CILP2: variants seen among roughly 807,000 people sequenced by gnomAD.
The protein encoded by CILP2 is CILP-2.
Under a neutral mutation model 45.6 loss-of-function variants are expected in CILP2, and 38 were observed. The observed-to-expected ratio is 0.83, with a 90% CI of 0.64 to 1.09. The LOEUF (loss-of-function observed/expected upper bound fraction) is 1.09, where lower values mean the gene tolerates loss of function less well. Among genes scored for constraint, CILP2 ranks in the 50% least tolerant of loss-of-function variants. The pLI is 0.00. For synonymous variants in CILP2, 780 were observed against 723.5 expected (o/e 1.08, Z -1.25); for missense variants, 1,735 against 1,662.2 (o/e 1.04, Z -0.76).
intron 3 of CILP2, 146 bp downstream of exon 3, chr19:19,540,622 T>G: frequency 1.1e-6 from 1 of 946,324 alleles, no homozygotes; most frequent in South Asian, 2.3e-5. Context: ...CCCTTAGGCG[T>G]AGGACGACGT....
chr19:19,543,690 A>G lies in CILP2; in HGVS notation c.1145A>G (p.Gln382Arg). ...TTTTCTTTGTCCCCAGCCCCAGGCC[A>G]GCCAGCCTGCGACCCCCGGCCCCGA... ...TARLTVLAPGQPACDPRPREY... is the reference protein window; with the variant it reads ...TARLTVLAPGRPACDPRPREY... The change falls in exon 8 of 8, where the codon CAG (glutamine) becomes CGG (arginine). Residue 382 changes from glutamine to arginine, a missense_variant. Transcript: ENST00000291495. The G allele has an allele frequency of 1.3e-6, 2 of 1,591,944 alleles. No homozygotes were observed. Among genetic ancestry groups the G allele is most frequent in the Non-Finnish European group, 1.7e-6 (2 of 1,166,508 alleles).
chr19:19,542,263 C>A (rs2061247182), intron 4 of CILP2, 112 bp from the exon 5 acceptor site: 4 of 1,261,344 alleles, frequency 3.2e-6, no homozygotes, highest in African/African-American at 3.0e-5. Context: ...CTGAGAGGCA[C>A]CTTATGGGGG....
At chr19:19,543,034 T>C (rs1008204427) in intron 6 of CILP2, 62 bp downstream of exon 6, 2 of 1,168,206 alleles carry the variant, frequency 1.7e-6, no homozygotes, top group Non-Finnish European at 2.5e-6. Flanking sequence ...TTCAATTTCA[T>C]GTTGTTATGT....
chr19:19,545,006 G>A lies in CILP2; in HGVS notation c.2461G>A (p.Ala821Thr), dbSNP rs781282601. ...CCTGGGCGGCGAGGAGCTGGAGCCG[G>A]CCCCTTCCTTGCCCCGCCCACTCCC... ...ATLGGEELEP[A>T]PSLPRPLPAT... Residue 821 changes from alanine to threonine, a missense_variant, in exon 8 of 8, where the codon GCC becomes ACC. Ala to Thr is a moderately conservative substitution (Grantham distance 58). Coordinates refer to ENST00000291495, the MANE Select transcript of CILP2 (RefSeq NM_153221.2). 44 of 1,602,532 alleles carry A rather than the reference G, an allele frequency of 2.7e-5. No homozygotes were observed. Among genetic ancestry groups the A allele is most frequent in the Middle Eastern group, 1.7e-4 (1 of 6,052 alleles).
In CILP2 at chr19:19,543,701, G is replaced by A. The variant is rs754140895; in HGVS notation, c.1156G>A (p.Asp386Asn). The A allele has an allele frequency of 8.8e-6, 14 of 1,596,008 alleles. No homozygotes were observed. The highest frequency in any genetic ancestry group is 3.3e-4 in the Middle Eastern group (2 of 5,996). ...TVLAPGQPAC[D>N]PRPREYLIKL... ...CCCAGCCCCAGGCCAGCCAGCCTGC[G>A]ACCCCCGGCCCCGAGAGTACCTGAT... is the stretch of plus-strand genomic sequence containing the variant. Residue 386 changes from aspartate to asparagine, a missense_variant, in exon 8 of 8, where the codon GAC becomes AAC. Transcript: ENST00000291495.
At position 19,540,418 on chromosome 19, in the gene CILP2, C is replaced by G. The variant is rs1379644412; in HGVS notation, c.378C>G (p.Arg126=). ...NPTRGFWCLN[R]EQPRGRRCSN... is the part of the protein sequence containing the mutation. ...CGCGCGGCTTCTGGTGCCTCAACCG[C>G]GAGCAACCGCGTGGCCGCCGCTGCT... The change falls in exon 3 of 8, where the codon CGC becomes CGG. Residue 126 remains arginine, a synonymous_variant. Transcript: ENST00000291495. 2.7e-6 allele frequency: 4 copies of G among 1,491,696 alleles called. No homozygotes were observed. Among genetic ancestry groups the G allele is most frequent in the Non-Finnish European group, 3.6e-6 (4 of 1,126,358 alleles). 92.4% of individuals were successfully genotyped at this position (1,491,696 alleles called of 1,614,324 possible).
rs916476303 is a variant in CILP2, at chr19:19,541,309, CT to C, written c.592+64del. ...GAGGGGAGGAAGGGGAGGTTAGGGG[CT>C]GAGCCTGGGAGAGAGGGTGGAGTTA... On this transcript the variant is annotated intron_variant, in intron 4 of 7. Coordinates refer to ENST00000291495, the MANE Select transcript of CILP2 (RefSeq NM_153221.2). 65 of 1,232,906 alleles carry C rather than the reference CT, an allele frequency of 5.3e-5. No homozygotes were observed. The Admixed American group carries it at 2.4e-3, about 45-fold the overall frequency. The allele number at this position is 1,232,906 out of a possible 1,614,324, so 76.4% of individuals were successfully genotyped here.
At position 19,541,095 on chromosome 19, in the gene CILP2, C is replaced by A; in HGVS notation, c.441C>A (p.Ala147=). 7.9e-7 allele frequency: 1 copy of A among 1,263,760 alleles called. No homozygotes were observed. The highest frequency in any genetic ancestry group is 1.0e-6 in the Non-Finnish European group (1 of 1,004,192). The allele number at this position is 1,263,760 out of a possible 1,614,324, so 78.3% of individuals were successfully genotyped here. A position where few individuals can be genotyped will look rare whatever the true frequency, so the allele number is the denominator to read the frequency against. The change falls in exon 4 of 8, where the codon GCC becomes GCA. Residue 147 remains alanine, a synonymous_variant. Transcript: ENST00000291495. ...YHVRFRCPLE[A]SWGAWGPWGP... is the part of the protein sequence containing the mutation. ...CTCCGTCCCTGCCTTCCGCAGAAGC[C>A]TCGTGGGGCGCGTGGGGCCCGTGGG...
chr19:19,545,732 A>T lies in CILP2; in HGVS notation c.3187A>T (p.Thr1063Ser). ...TCTGGGCCACAACTATGGCGTCTACACTGTCACTGACCAGAGCCCACGCTT... is the reference window on the plus strand; with the variant it reads ...TCTGGGCCACAACTATGGCGTCTACTCTGTCACTGACCAGAGCCCACGCTT... ...DPLGHNYGVY[T>S]VTDQSPRLAK... The change falls in exon 8 of 8, where the codon ACT becomes TCT. Residue 1063 changes from threonine to serine, a missense_variant. By Grantham distance (58) the Thr-to-Ser change is moderately conservative (BLOSUM62 1). Transcript: ENST00000291495. 6.2e-7 allele frequency: 1 copy of T among 1,613,210 alleles called. No homozygotes were observed. The highest frequency in any genetic ancestry group is 8.5e-7 in the Non-Finnish European group (1 of 1,179,816).
Position 19,542,605 on chromosome 19 carries a change from G to A in CILP2, c.823G>A (p.Ala275Thr). The A allele has an allele frequency of 6.2e-7, 1 of 1,614,134 alleles. No individual in the cohort carries two copies. The highest frequency in any genetic ancestry group is 8.5e-7 in the Non-Finnish European group (1 of 1,180,042). The change falls in exon 5 of 8, where the codon GCC becomes ACC. Residue 275 changes from alanine to threonine, a missense_variant. By Grantham distance (58) the Ala-to-Thr change is moderately conservative. Transcript: ENST00000291495. Reference sequence around the variant, plus strand: ...CTCTGCAGGGGAGGCCCAGGCCCAGGCCAACGGATCCATCTCTGTGGTCAC... The same window carrying A: ...CTCTGCAGGGGAGGCCCAGGCCCAGACCAACGGATCCATCTCTGTGGTCAC... ...GFSAGEAQAQ[A>T]NGSISVVTII... is the part of the protein sequence containing the mutation.
In CILP2 at chr19:19,545,638, G is replaced by A. The variant is rs1280977423; in HGVS notation, c.3093G>A (p.Leu1031=). The A allele has an allele frequency of 3.1e-6, 5 of 1,608,306 alleles. No homozygotes were observed. Among genetic ancestry groups the A allele is most frequent in the Non-Finnish European group, 3.4e-6 (4 of 1,177,262 alleles). ...VAVNGLLRDY[L]TRHPPPVPAE... ...TCAACGGACTCCTTCGGGATTACCTGACCCGGCACCCCCCACCGGTGCCCG... is the reference window on the plus strand; with the variant it reads ...TCAACGGACTCCTTCGGGATTACCTAACCCGGCACCCCCCACCGGTGCCCG... The change falls in exon 8 of 8, where the codon CTG becomes CTA. Residue 1031 remains leucine (L), a synonymous_variant. Transcript: ENST00000291495.
Position 19,539,673 on chromosome 19 carries a change from C to A in CILP2, c.65-6C>A. The A allele has an allele frequency of 6.3e-7, 1 of 1,576,374 alleles. No homozygotes were observed. The highest frequency in any genetic ancestry group is 1.4e-5 in the African/African-American group (1 of 72,760). On this transcript the variant is annotated splice_region_variant and splice_polypyrimidine_tract_variant and intron_variant, in intron 1 of 7. Transcript: ENST00000291495. ...GTGCTTCCTTCTCCCCACTCCTCAC[C>A]CACAGACGCCACCCCCACCGAGGAG...
intron 2 of CILP2, 69 bp downstream of exon 2, chr19:19,539,846 G>T (rs2061237362): frequency 9.5e-6 from 12 of 1,258,374 alleles, no homozygotes; most frequent in Non-Finnish European, 1.2e-5. Context: ...GGGCTACTGG[G>T]GTCGTGTGAG....
At position 19,541,162 on chromosome 19, in the gene CILP2, C is replaced by G; in HGVS notation, c.508C>G (p.Arg170Gly). 1 of 1,258,540 alleles carries G rather than the reference C, an allele frequency of 7.9e-7. No homozygotes were observed. The highest frequency in any genetic ancestry group is 1.0e-6 in the Non-Finnish European group (1 of 1,001,194). 78.0% of individuals were successfully genotyped at this position (1,258,540 alleles called of 1,614,324 possible). A position where few individuals can be genotyped will look rare whatever the true frequency, so the allele number is the denominator to read the frequency against. Residue 170 changes from arginine (R) to glycine (G), a missense_variant, in exon 4 of 8, where the codon CGC becomes GGC. Physicochemically the swap from Arg to Gly is moderately radical, Grantham distance 125. Transcript: ENST00000291495. ...CTGTGGGCCAGGCCGTCGCTTGCGC[C>G]GCCGCCACTGCCCAAGCCCCGCTGG... is the stretch of plus-strand genomic sequence containing the variant. ...GSCGPGRRLR[R>G]RHCPSPAGDA...
chr19:19,540,926 G>A, intron 3 of CILP2, 165 bp from the exon 4 acceptor site: 2 of 615,778 alleles, frequency 3.2e-6, no homozygotes, highest in Non-Finnish European at 4.7e-6. Context: ...GGCGCGCCTA[G>A]GGGAGCATGG....
intron 4 of CILP2, among the ~76,000 whole-genome samples, chr19:19,541,858 C>T (rs533672672): frequency 5.3e-4 from 80 of 152,324 alleles, no homozygotes; most frequent in African/African-American, 1.9e-3. Context: ...GAGGCTGCTC[C>T]GGGGAGCCCG....
Position 19,542,509 on chromosome 19 carries a change from C to A in CILP2, c.727C>A (p.His243Asn). The change falls in exon 5 of 8, where the codon CAC (histidine) becomes AAC (asparagine). Residue 243 changes from histidine (H) to asparagine (N), a missense_variant. Transcript: ENST00000291495. ...TGGCACTGTGGCCACCAGCGATGCT[C>A]ACGGAACCTTCCGGGTGCCTGGTGT... ...QPGTVATSDA[H>N]GTFRVPGVCA... 1 of 1,614,028 alleles carries A rather than the reference C, an allele frequency of 6.2e-7. No homozygotes were observed. The highest frequency in any genetic ancestry group is 8.5e-7 in the Non-Finnish European group (1 of 1,180,050).
chr19:19,544,453 AC>A lies in CILP2; in HGVS notation c.1909del (p.Leu637CysfsTer48), dbSNP rs1182711800. 1 of 1,609,144 alleles carries A rather than the reference AC, an allele frequency of 6.2e-7. No individual in the cohort carries two copies. The highest frequency in any genetic ancestry group is 2.2e-5 in the East Asian group (1 of 44,828). On this transcript the variant is annotated frameshift_variant, in exon 8 of 8. Coordinates refer to ENST00000291495, the MANE Select transcript of CILP2 (RefSeq NM_153221.2). LOFTEE classifies it low-confidence loss of function (END_TRUNC). ...FVDSDGELAP[L>X]RTYGMFSVDL... The stretch of plus-strand genomic sequence containing the variant: ...TGGACAGCGACGGCGAGCTGGCTCC[AC>A]TGCGCACCTACGGCATGTTCTCCGT...
chr19:19,540,433 C>T lies in CILP2; in HGVS notation c.393C>T (p.Gly131=). The change falls in exon 3 of 8, where the codon GGC becomes GGT. Residue 131 remains glycine, a synonymous_variant. Coordinates refer to ENST00000291495, the MANE Select transcript of CILP2 (RefSeq NM_153221.2). ...GCCTCAACCGCGAGCAACCGCGTGG[C>T]CGCCGCTGCTCCAACTACCACGTGC... The part of the protein sequence containing the change: ...FWCLNREQPR[G]RRCSNYHVRF... 1.4e-6 allele frequency: 2 copies of T among 1,480,302 alleles called. No individual in the cohort carries two copies. The highest frequency in any genetic ancestry group is 1.8e-6 in the Non-Finnish European group (2 of 1,121,030). The allele number at this position is 1,480,302 out of a possible 1,614,324, so 91.7% of individuals were successfully genotyped here.
Sources: allele counts gnomAD v4.1 joint callset (sites outside exome capture counted in the v4.1 genomes callset), GRCh38; gene constraint gnomAD v4.1.1; transcripts MANE v1.5; gene names NCBI Gene and HGNC (gene_info 2026-07-23, HGNC 2026-07-21).